The following ZNF829 variants were observed in gnomAD, a reference collection of about 807,000 sequenced individuals.
The protein encoded by ZNF829 is zinc finger protein 829.
Under a neutral mutation model 35.2 loss-of-function variants are expected in ZNF829, and 25 were observed. That is an observed-to-expected ratio of 0.71 (90% CI 0.52 to 0.99). The LOEUF is 0.99. ZNF829 is among the 50% of genes least tolerant of loss of function. The probability of loss-of-function intolerance (pLI) is 0.00; values close to 1 mark genes in which losing one functional copy is unlikely to be tolerated. For synonymous variants in ZNF829, 136 were observed against 163.2 expected, an observed-to-expected ratio of 0.83 and a Z score of 1.27; for missense variants, 417 against 515.3, an observed-to-expected ratio of 0.81 and a Z score of 1.85.
At chr19:36,904,735 G>T (rs966227921) in intron 5 of ZNF829, among the ~76,000 whole-genome samples, 1 of 151,944 alleles carries the variant, frequency 6.6e-6, no homozygotes, top group African/African-American at 2.4e-5. Context: ...TTATAACACT[G>T]TGATTTCAAA....
At chr19:36,897,950 C>T (rs1027842622) in intron 5 of ZNF829, among the ~76,000 whole-genome samples, 1 of 152,198 alleles carries the variant, frequency 6.6e-6, no homozygotes, top group African/African-American at 2.4e-5. Context: ...GGGTGGATCA[C>T]TTGAGGTCAC....
intron 5 of ZNF829, among the ~76,000 whole-genome samples, chr19:36,902,270 A>T (rs536126713): frequency 1.3e-5 from 2 of 152,298 alleles, no homozygotes; most frequent in East Asian, 3.9e-4. Context: ...AGACTGGCTT[A>T]ATAATTCTGG....
chr19:36,893,778 A>G (rs976935863), intron 5 of ZNF829, among the ~76,000 whole-genome samples: 12 of 152,256 alleles, frequency 7.9e-5, no homozygotes, highest in Non-Finnish European at 1.6e-4. Flanking sequence ...TCCTCATTTA[A>G]TTACTGAATC....
In ZNF829 at chr19:36,915,001, TTCC is replaced by T. The variant is rs1338442631; in HGVS notation, c.57_59del (p.Glu20del). The T allele has an allele frequency of 1.2e-6, 2 of 1,614,180 alleles. No homozygotes were observed. The highest frequency in any genetic ancestry group is 1.7e-5 in the Admixed American group (1 of 60,022). ...CTTGTAGAAGTTCATCATGCATTCT[TTCC>T]TCCTCTTCTGGGTGACACCTGGAGA... On this transcript the variant is annotated inframe_deletion, in exon 3 of 6. Transcript: ENST00000391711.
chr19:36,900,471 C>T (rs2073155723), intron 5 of ZNF829, among the ~76,000 whole-genome samples: 1 of 151,896 alleles, frequency 6.6e-6, no homozygotes, highest in African/African-American at 2.4e-5. Context: ...GCATTGCCTG[C>T]CTGTATCAAA....
At chr19:36,903,816 G>C (rs1350739022) in intron 5 of ZNF829, among the ~76,000 whole-genome samples, 1 of 151,880 alleles carries the variant, frequency 6.6e-6, no homozygotes, top group Non-Finnish European at 1.5e-5. Flanking sequence ...AGTGAGCTGA[G>C]GTTGCACCAC....
At position 36,892,760 on chromosome 19, in the gene ZNF829, T is replaced by G. The variant is rs544267732; in HGVS notation, c.320-289A>C. The stretch of plus-strand genomic sequence containing the variant: ...GAATACACAGTGTTCAGCACCATCC[T>G]CCATATTATAGAGAGATTCTAATTA... On this transcript the variant is annotated intron_variant, in intron 5 of 5. Coordinates refer to ENST00000391711, the MANE Select transcript of ZNF829 (RefSeq NM_001037232.4). The G allele has an allele frequency of 1.4e-5, 7 of 487,102 alleles. No homozygotes were observed. The East Asian group carries it at 2.3e-4, about 16-fold the overall frequency. The allele number at this position is 487,102 out of a possible 1,614,324, so 30.2% of individuals were successfully genotyped here.
intron 3 of ZNF829, among the ~76,000 whole-genome samples, chr19:36,910,087 AT>A (rs1188231634): frequency 0.042 from 5,052 of 120,046 alleles, 91 homozygotes; most frequent in Non-Finnish European, 0.056. Context: ...TTCTTGAAAA[AT>A]TTTTTTTTTT....
chr19:36,908,945 A>G (rs545639366), intron 3 of ZNF829, among the ~76,000 whole-genome samples: 70 of 152,214 alleles, frequency 4.6e-4, no homozygotes, highest in Non-Finnish European at 9.1e-4. Context: ...TTCTATAGCC[A>G]GTCAGATTAC....
chr19:36,892,715 G>T, intron 5 of ZNF829: 1 of 582,434 alleles, frequency 1.7e-6, no homozygotes, highest in Non-Finnish European at 2.9e-6. Flanking sequence ...GTCTGAACCA[G>T]AGTCACCTTA....
At chr19:36,910,672 C>T (rs1351516660) in intron 3 of ZNF829, among the ~76,000 whole-genome samples, 1 of 152,146 alleles carries the variant, frequency 6.6e-6, no homozygotes, top group African/African-American at 2.4e-5. Flanking sequence ...CCCTATGCAT[C>T]TCTTCCATTT....
intron 5 of ZNF829, among the ~76,000 whole-genome samples, chr19:36,902,963 G>C (rs574698042): frequency 6.6e-6 from 1 of 152,120 alleles, no homozygotes. Context: ...TTGAACCCGG[G>C]AGGCGGAGGT....
At chr19:36,898,340 A>C (rs569043133) in intron 5 of ZNF829, among the ~76,000 whole-genome samples, 1 of 152,328 alleles carries the variant, frequency 6.6e-6, no homozygotes, top group South Asian at 2.1e-4. Flanking sequence ...CACAGACAAA[A>C]GAAATTGAAG....
chr19:36,906,346 T>C (rs2073215243), intron 5 of ZNF829: 1 of 152,180 alleles, frequency 6.6e-6, no homozygotes, highest in Admixed American at 6.5e-5. Flanking sequence ...ACAGGGCTGA[T>C]ACATAGAATA....
At chr19:36,908,294 A>T in intron 4 of ZNF829, 39 bp downstream of exon 4, 1 of 1,588,064 alleles carries the variant, frequency 6.3e-7, no homozygotes, top group South Asian at 1.2e-5. Context: ...AGACACTTCC[A>T]AGGGCACACT....
At chr19:36,915,083 T>C (rs575276226) in intron 2 of ZNF829, 47 bp downstream of exon 2, 1 of 1,614,130 alleles carries the variant, frequency 6.2e-7, no homozygotes, top group African/African-American at 1.3e-5. Context: ...TTTTTCTTGG[T>C]ACCCAGATTA....
chr19:36,904,254 T>C (rs1450665271), intron 5 of ZNF829, among the ~76,000 whole-genome samples: 1 of 152,190 alleles, frequency 6.6e-6, no homozygotes, highest in African/African-American at 2.4e-5. Context: ...GTTTGATGTA[T>C]CACAGAAAGA....
intron 1 of ZNF829, among the ~76,000 whole-genome samples, chr19:36,915,605 T>C: frequency 4.3e-5 from 1 of 23,028 alleles, no homozygotes; most frequent in African/African-American, 1.7e-4. Flanking sequence ...TTTGGGGGGG[T>C]GGGGTGGGGT....
At chr19:36,902,190 C>A (rs1348879672) in intron 5 of ZNF829, 19 of 219,820 alleles carry the variant, frequency 8.6e-5, no homozygotes, top group Non-Finnish European at 2.7e-5. Context: ...ACAAGTACCC[C>A]CCCGCACCCC....
Sources: gnomAD v4.1 joint callset for allele counts (sites outside exome capture counted in the v4.1 genomes callset) on GRCh38, gnomAD v4.1.1 for gene constraint, MANE v1.5 for transcripts, NCBI Gene and HGNC (gene_info 2026-07-23, HGNC 2026-07-21) for gene names.